SLC35F4: variants seen among roughly 807,000 people sequenced by gnomAD.
SLC35F4 encodes the protein solute carrier family 35 member F4.
Under a neutral mutation model 44.2 loss-of-function variants are expected in SLC35F4, and 24 were observed. That is an observed-to-expected ratio of 0.54 (90% CI 0.39 to 0.76). The LOEUF (loss-of-function observed/expected upper bound fraction) is 0.76. Among genes scored for constraint, SLC35F4 ranks in the 30% least tolerant of loss-of-function variants. The probability of loss-of-function intolerance (pLI) is 0.00; values close to 1 mark genes in which losing one functional copy is unlikely to be tolerated. For missense variants in SLC35F4, 562 were observed against 586.1 expected, an observed-to-expected ratio of 0.96 and a Z score of 0.42; for synonymous variants, 238 against 223.6, an observed-to-expected ratio of 1.06 and a Z score of -0.57.
intron 1 of SLC35F4, among the ~76,000 whole-genome samples, chr14:57,829,152 G>T (rs914973856): frequency 1.3e-5 from 2 of 152,212 alleles, no homozygotes; most frequent in African/African-American, 4.8e-5. Flanking sequence ...ACAGACAAAT[G>T]ATGTTAGAGG....
intron 1 of SLC35F4, among the ~76,000 whole-genome samples, chr14:57,970,373 C>T (rs1341381974): frequency 1.3e-5 from 2 of 152,130 alleles, no homozygotes; most frequent in Non-Finnish European, 2.9e-5. Context: ...TAACGGAAAG[C>T]CATGGAGTTG....
intron 1 of SLC35F4, among the ~76,000 whole-genome samples, chr14:57,832,183 C>T (rs1884442300): frequency 6.6e-6 from 1 of 152,036 alleles, no homozygotes; most frequent in South Asian, 2.1e-4. Context: ...TCTGAAGCCC[C>T]TCCCTCCCGG....
At chr14:57,909,476 C>T (rs1199874728) in intron 1 of SLC35F4, among the ~76,000 whole-genome samples, 1 of 151,830 alleles carries the variant, frequency 6.6e-6, no homozygotes, top group Non-Finnish European at 1.5e-5. Context: ...CCCTGGCAAC[C>T]ATTGATCCTT....
chr14:57,729,067 C>T (rs544690318), intron 1 of SLC35F4, among the ~76,000 whole-genome samples: 7 of 152,128 alleles, frequency 4.6e-5, no homozygotes, highest in Non-Finnish European at 1.0e-4. Flanking sequence ...TTCTCTCTTG[C>T]TGTTTTTAGG....
At chr14:57,676,208 A>T (rs887425378) in intron 1 of SLC35F4, among the ~76,000 whole-genome samples, 1 of 152,106 alleles carries the variant, frequency 6.6e-6, no homozygotes, top group Non-Finnish European at 1.5e-5. Flanking sequence ...ATACGTGAAT[A>T]AGAAAATATG....
At chr14:57,775,514 A>C (rs11845749) in intron 1 of SLC35F4, among the ~76,000 whole-genome samples, 7,807 of 152,310 alleles carry the variant, frequency 0.051, 674 homozygotes, top group African/African-American at 0.18. Flanking sequence ...GAATTACAAT[A>C]TGCAGTCTAG....
intron 1 of SLC35F4, among the ~76,000 whole-genome samples, chr14:57,878,299 T>C (rs575078386): frequency 2.2e-4 from 34 of 152,272 alleles, no homozygotes; most frequent in African/African-American, 7.9e-4. Flanking sequence ...CACACAACTT[T>C]CTATCTGATC....
At chr14:57,868,478 A>AT (rs35866620), upstream of SLC35F4, among the ~76,000 whole-genome samples, 17,927 of 145,758 alleles carry the variant, frequency 0.12, 2,953 homozygotes, top group African/African-American at 0.38. Context: ...AGAAAGGATA[A>AT]TTTTTTTTTT....
chr14:57,774,751 C>T (rs1013795563), intron 1 of SLC35F4, among the ~76,000 whole-genome samples: 26 of 152,232 alleles, frequency 1.7e-4, no homozygotes, highest in African/African-American at 5.5e-4. Context: ...CACCAGCCCA[C>T]CTGCTCCCTC....
chr14:57,760,766 T>C (rs918056949), intron 1 of SLC35F4, among the ~76,000 whole-genome samples: 2 of 152,200 alleles, frequency 1.3e-5, no homozygotes, highest in Non-Finnish European at 2.9e-5. Flanking sequence ...TTTTTTTCTG[T>C]CCTGCTGGTG....
At chr14:57,771,100 A>G (rs1039242243) in intron 1 of SLC35F4, among the ~76,000 whole-genome samples, 2 of 152,070 alleles carry the variant, frequency 1.3e-5, no homozygotes, top group Non-Finnish European at 2.9e-5. Context: ...GCATAGATGA[A>G]TTCTTTTGGA....
chr14:57,911,873 G>C (rs1193275694), intron 1 of SLC35F4, among the ~76,000 whole-genome samples: 1 of 151,894 alleles, frequency 6.6e-6, no homozygotes, highest in East Asian at 1.9e-4. Context: ...TTTCTTAACT[G>C]TTTGGTAGAG....
At chr14:57,963,698 A>G (rs56090121) in intron 1 of SLC35F4, among the ~76,000 whole-genome samples, 2,157 of 136,310 alleles carry the variant, frequency 0.016, 53 homozygotes, top group African/African-American at 0.055. Context: ...CCCCCAGAAC[A>G]TTCATTCTAG....
rs990412720 is a variant in SLC35F4, at chr14:57,663,233, C to T, written c.104-69109G>A. Among the ~76,000 whole-genome samples the T allele has an allele frequency of 9.9e-5, 15 of 152,244 alleles. No individual in the cohort carries two copies. The East Asian group carries it at 1.4e-3, about 14-fold the overall frequency. On this transcript the variant is annotated intron_variant, in intron 1 of 7. Transcript: ENST00000556826. Reference sequence around the variant, plus strand: ...GATGTAGAATATATCTTGTTAGTAACGAAGTTACATAACTCAATTTAGCTG... The same window carrying T: ...GATGTAGAATATATCTTGTTAGTAATGAAGTTACATAACTCAATTTAGCTG...
chr14:57,778,344 C>T (rs1417791104), intron 1 of SLC35F4, among the ~76,000 whole-genome samples: 1 of 152,054 alleles, frequency 6.6e-6, no homozygotes, highest in Non-Finnish European at 1.5e-5. Context: ...TCAGACAAAA[C>T]AGACTTTAAA....
intron 1 of SLC35F4, among the ~76,000 whole-genome samples, chr14:57,817,309 C>T (rs1882708809): frequency 6.6e-6 from 1 of 152,002 alleles, no homozygotes. Flanking sequence ...TGTAGAAAGC[C>T]CTGAGAATTT....
intron 1 of SLC35F4, among the ~76,000 whole-genome samples, chr14:57,677,221 G>A (rs2074723453): frequency 6.6e-6 from 1 of 151,888 alleles, no homozygotes; most frequent in African/African-American, 2.4e-5. Flanking sequence ...GGATGCAAAG[G>A]AATAAGAATG....
At chr14:57,966,887 G>A (rs530939523) in intron 1 of SLC35F4, among the ~76,000 whole-genome samples, 1 of 152,196 alleles carries the variant, frequency 6.6e-6, no homozygotes, top group East Asian at 1.9e-4. Flanking sequence ...GCACATGCCT[G>A]TAATTCCAGC....
intron 1 of SLC35F4, among the ~76,000 whole-genome samples, chr14:57,934,879 G>T (rs1889768728): frequency 6.6e-6 from 1 of 152,180 alleles, no homozygotes; most frequent in East Asian, 1.9e-4. Flanking sequence ...GGGAGGATCA[G>T]CATGTCAGCT....
Sources: allele counts gnomAD v4.1 joint callset (sites outside exome capture counted in the v4.1 genomes callset), GRCh38; gene constraint gnomAD v4.1.1; transcripts MANE v1.5; gene names NCBI Gene and HGNC (gene_info 2026-07-23, HGNC 2026-07-21).